Variants in PASD1 observed in about 807,000 individuals in gnomAD.
PASD1 encodes PAS domain containing repressor 1.
In PASD1, 13 loss-of-function variants were observed where a neutral mutation model predicts 58.8. The ratio of observed to expected loss-of-function variants is 0.22; its 90% confidence interval spans 0.14 to 0.35. The LOEUF (loss-of-function observed/expected upper bound fraction) is 0.35. PASD1 is among the 10% of genes least tolerant of loss of function. PASD1 has a pLI of 1.00. For missense variants in PASD1, 734 were observed against 568.3 expected (o/e 1.29, Z -2.96); for synonymous variants, 236 against 216.7 (o/e 1.09, Z -0.78).
Position 151,623,015 on chromosome X carries a change from G to A in PASD1, c.497G>A (p.Arg166Gln), listed in dbSNP as rs1326672678. ...DFAACVPQED[R>Q]LYLVGNVCIL... The stretch of plus-strand genomic sequence containing the variant: ...GCTGCATGTGTTCCTCAGGAGGATC[G>A]GCTTTATCTTGTGGGAAATGTTTGC... Residue 166 changes from arginine to glutamine, a missense_variant, in exon 7 of 16, where the codon CGG becomes CAG. Physicochemically the swap from Arg to Gln is conservative, Grantham distance 43. Coordinates refer to ENST00000370357, the MANE Select transcript of PASD1 (RefSeq NM_173493.3). The A allele has an allele frequency of 2.5e-6, 3 of 1,207,485 alleles. No individual in the cohort carries two copies. Among genetic ancestry groups the A allele is most frequent in the Non-Finnish European group, 3.4e-6 (3 of 893,498 alleles).
At chrX:151,638,408 C>T (rs1436097801) in intron 8 of PASD1, among the ~76,000 whole-genome samples, 1 of 105,503 alleles carries the variant, frequency 9.5e-6, no homozygotes, top group East Asian at 3.0e-4. Flanking sequence ...CAAACCTGCA[C>T]ATTGTGCTCG....
chrX:151,674,096 G>A lies in PASD1; in HGVS notation c.2085G>A (p.Glu695=), dbSNP rs1201783767. 1.7e-6 allele frequency: 2 copies of A among 1,211,953 alleles called. No homozygotes were observed. Among genetic ancestry groups the A allele is most frequent in the Non-Finnish European group, 2.2e-6 (2 of 895,446 alleles). The stretch of plus-strand genomic sequence containing the variant: ...AGGATTACATCCGGCTTTGGCAAGA[G>A]TTGTCTGATTCACTCGGTCCTGTTG... The part of the protein sequence containing the change: ...TPQDYIRLWQ[E]LSDSLGPVVQ... Residue 695 remains glutamate (E), a synonymous_variant, in exon 15 of 16, where the codon GAG becomes GAA. Transcript: ENST00000370357.
chrX:151,652,830 A>G (rs1319537151), intron 9 of PASD1, among the ~76,000 whole-genome samples: 1 of 111,588 alleles, frequency 9.0e-6, no homozygotes, highest in Non-Finnish European at 1.9e-5. Context: ...GAGCAGCTGG[A>G]GCAGAGTGAG....
At chrX:151,610,874 A>C (rs1488629027) in intron 3 of PASD1, among the ~76,000 whole-genome samples, 1 of 111,546 alleles carries the variant, frequency 9.0e-6, no homozygotes, top group African/African-American at 3.3e-5. Flanking sequence ...TGAGGCAGAC[A>C]TGCACATTCC....
intron 1 of PASD1, among the ~76,000 whole-genome samples, chrX:151,585,311 G>T (rs1257063230): frequency 1.8e-5 from 2 of 112,074 alleles, no homozygotes; most frequent in African/African-American, 6.5e-5. Context: ...ATAAAGTGAA[G>T]ATAACATCAG....
intron 2 of PASD1, among the ~76,000 whole-genome samples, chrX:151,602,965 C>G (rs1014490088): frequency 8.9e-6 from 1 of 112,434 alleles, no homozygotes; most frequent in African/African-American, 3.2e-5. Context: ...CGTGTCTTCA[C>G]ATGGTTGCTT....
intron 11 of PASD1, among the ~76,000 whole-genome samples, chrX:151,669,218 G>A (rs1477955675): frequency 9.5e-6 from 1 of 104,863 alleles, no homozygotes; most frequent in Non-Finnish European, 1.9e-5. Flanking sequence ...ACATAGTTTA[G>A]TGCCAATTGA....
chrX:151,583,610 T>C (rs1188012288), intron 1 of PASD1, among the ~76,000 whole-genome samples: 1 of 112,299 alleles, frequency 8.9e-6, no homozygotes, highest in Non-Finnish European at 1.9e-5. Context: ...CTACCTGTCT[T>C]TTAGATTTCA....
chrX:151,592,007 A>C (rs888966979), intron 1 of PASD1, among the ~76,000 whole-genome samples: 1 of 111,935 alleles, frequency 8.9e-6, no homozygotes, highest in African/African-American at 3.2e-5. Flanking sequence ...CTTCTCTGCT[A>C]TATGTATGTG....
intron 8 of PASD1, among the ~76,000 whole-genome samples, chrX:151,626,484 A>G (rs1192341190): frequency 1.8e-5 from 2 of 111,791 alleles, no homozygotes; most frequent in Admixed American, 1.9e-4. Context: ...TTATAATACT[A>G]TATAGTTATT....
chrX:151,660,178 T>C (rs971339288), intron 10 of PASD1, among the ~76,000 whole-genome samples: 1 of 112,030 alleles, frequency 8.9e-6, no homozygotes, highest in Non-Finnish European at 1.9e-5. Flanking sequence ...CCTCTTGTTA[T>C]TGAGTTTTCA....
chrX:151,664,140 G>A lies in PASD1; in HGVS notation c.863G>A (p.Arg288Gln), dbSNP rs182463166. The change falls in exon 11 of 16, where the codon CGA becomes CAA. Residue 288 changes from arginine to glutamine, a missense_variant. Coordinates refer to ENST00000370357, the MANE Select transcript of PASD1 (RefSeq NM_173493.3). ...TCAGCCTTATCCTTGCAAGACTTTC[G>A]AGGTGAGCCTGAGGTGAATCCATTG... ...ESPALSLQDF[R>Q]GEPEVNPLYR... 17 of 1,208,870 alleles carry A rather than the reference G, an allele frequency of 1.4e-5. No homozygotes were observed. The highest frequency in any genetic ancestry group is 1.2e-4 in the African/African-American group (7 of 56,768).
At chrX:151,566,443 CA>C (rs1479015020) in intron 1 of PASD1, among the ~76,000 whole-genome samples, 2 of 111,441 alleles carry the variant, frequency 1.8e-5, no homozygotes, top group Admixed American at 9.5e-5. Context: ...GATGGAGGAG[CA>C]AAAATGCCTA....
intron 6 of PASD1, among the ~76,000 whole-genome samples, chrX:151,622,350 A>C (rs1206833823): frequency 1.8e-5 from 2 of 110,688 alleles, no homozygotes; most frequent in Non-Finnish European, 3.8e-5. Flanking sequence ...ACTCCAACTC[A>C]CTAATAAGCA....
chrX:151,659,902 C>A, intron 10 of PASD1, 66 bp downstream of exon 10: 1 of 1,073,662 alleles, frequency 9.3e-7, no homozygotes, highest in African/African-American at 1.8e-5. Context: ...AGGGTAGTTA[C>A]AGTTTTTCAA....
chrX:151,641,815 T>TACACACAC (rs748009729), intron 8 of PASD1, among the ~76,000 whole-genome samples: 1 of 104,737 alleles, frequency 9.5e-6, no homozygotes, highest in Admixed American at 1.0e-4. Context: ...CACGCGTACT[T>TACACACAC]ACACACACAC....
chrX:151,670,902 G>T, intron 11 of PASD1, 136 bp from the exon 12 acceptor site: 1 of 726,891 alleles, frequency 1.4e-6, no homozygotes, highest in Admixed American at 3.3e-5. Context: ...AAACTTTCTA[G>T]TAATGAATGA....
At chrX:151,636,561 G>A (rs780600502) in intron 8 of PASD1, among the ~76,000 whole-genome samples, 14 of 110,479 alleles carry the variant, frequency 1.3e-4, no homozygotes, top group African/African-American at 4.3e-4. Context: ...CTGCCACCAG[G>A]CCTGGCTAAA....
At chrX:151,609,300 T>A (rs2013523324) in intron 3 of PASD1, among the ~76,000 whole-genome samples, 1 of 111,877 alleles carries the variant, frequency 8.9e-6, no homozygotes, top group Non-Finnish European at 1.9e-5. Context: ...CCTATTTTTT[T>A]ATTACGGTAA....
Sources: allele counts gnomAD v4.1 joint callset (sites outside exome capture counted in the v4.1 genomes callset), GRCh38; gene constraint gnomAD v4.1.1; transcripts MANE v1.5; gene names NCBI Gene and HGNC (gene_info 2026-07-23, HGNC 2026-07-21).